Variants in TAFA4 observed in about 807,000 individuals in gnomAD.
TAFA4 encodes TAFA chemokine like family member 4.
Under a neutral mutation model 21.1 loss-of-function variants are expected in TAFA4, and 20 were observed. The ratio of observed to expected loss-of-function variants is 0.95; its 90% CI spans 0.67 to 1.38. The LOEUF (loss-of-function observed/expected upper bound fraction) is 1.38. TAFA4 is among the 40% of genes most tolerant of loss of function. TAFA4 has a pLI of 0.00. For missense variants in TAFA4, 211 were observed against 180.9 expected, an observed-to-expected ratio of 1.17 and a Z score of -0.95; for synonymous variants, 71 against 67.4, an observed-to-expected ratio of 1.05 and a Z score of -0.26.
intron 5 of TAFA4, 63 bp from the exon 6 acceptor site, chr3:68,733,216 C>T: frequency 4.4e-6 from 7 of 1,581,164 alleles, no homozygotes; most frequent in Non-Finnish European, 6.0e-6. Flanking sequence ...ACCATTCCTG[C>T]CCCCGAGACC....
intron 3 of TAFA4, among the ~76,000 whole-genome samples, chr3:68,780,052 A>G (rs931064672): frequency 6.6e-6 from 1 of 152,228 alleles, no homozygotes; most frequent in South Asian, 2.1e-4. Flanking sequence ...GTCAAAGGAT[A>G]TCATTTTGGA....
At chr3:68,824,134 A>T (rs970234750) in intron 3 of TAFA4, among the ~76,000 whole-genome samples, 7 of 152,202 alleles carry the variant, frequency 4.6e-5, no homozygotes, top group Non-Finnish European at 7.3e-5. Flanking sequence ...GTTATTTTTT[A>T]AAAAATCGTA....
At chr3:68,790,975 G>A (rs1356091531) in intron 3 of TAFA4, among the ~76,000 whole-genome samples, 1 of 152,152 alleles carries the variant, frequency 6.6e-6, no homozygotes, top group African/African-American at 2.4e-5. Flanking sequence ...ACTCTTATAA[G>A]CACATGTGAC....
chr3:68,800,972 C>A (rs1703566163), intron 3 of TAFA4, among the ~76,000 whole-genome samples: 1 of 152,066 alleles, frequency 6.6e-6, no homozygotes, highest in Non-Finnish European at 1.5e-5. Flanking sequence ...AGAGAAGATG[C>A]CACCCCTTTG....
chr3:68,928,347 G>A (rs1377416688), intron 1 of TAFA4, among the ~76,000 whole-genome samples: 1 of 152,150 alleles, frequency 6.6e-6, no homozygotes, highest in East Asian at 1.9e-4. Context: ...AGAAAATAAT[G>A]TTGTACCAAA....
intron 1 of TAFA4, among the ~76,000 whole-genome samples, chr3:68,929,083 C>CA (rs2090136485): frequency 6.6e-6 from 1 of 151,466 alleles, no homozygotes; most frequent in East Asian, 1.9e-4. Context: ...CAGCAGATAC[C>CA]AAATAGATGG....
chr3:68,800,431 A>C (rs1460746620), intron 3 of TAFA4, among the ~76,000 whole-genome samples: 1 of 152,226 alleles, frequency 6.6e-6, no homozygotes, highest in Non-Finnish European at 1.5e-5. Flanking sequence ...CAGTGAGCAC[A>C]ACAACAATCT....
chr3:68,903,368 A>C (rs1445285032), intron 1 of TAFA4, among the ~76,000 whole-genome samples: 1 of 152,216 alleles, frequency 6.6e-6, no homozygotes, highest in Non-Finnish European at 1.5e-5. Context: ...TTCAATTATA[A>C]ACGTCAGCAA....
chr3:68,785,470 G>A (rs1027980507), intron 3 of TAFA4, among the ~76,000 whole-genome samples: 2 of 152,240 alleles, frequency 1.3e-5, no homozygotes, highest in Non-Finnish European at 2.9e-5. Flanking sequence ...CGCGCGGGAA[G>A]GCAGCTAAGG....
intron 1 of TAFA4, among the ~76,000 whole-genome samples, chr3:68,886,643 G>A (rs1420112456): frequency 6.6e-6 from 1 of 151,986 alleles, no homozygotes; most frequent in South Asian, 2.1e-4. Flanking sequence ...AAAGTAATGC[G>A]ACCTAATAGT....
intron 4 of TAFA4, among the ~76,000 whole-genome samples, chr3:68,747,657 C>A (rs1702484549): frequency 6.6e-6 from 1 of 152,190 alleles, no homozygotes; most frequent in Non-Finnish European, 1.5e-5. Flanking sequence ...TGCTCGCACA[C>A]ACAAATCCTG....
intron 3 of TAFA4, among the ~76,000 whole-genome samples, chr3:68,875,085 G>A (rs1016545273): frequency 6.6e-6 from 1 of 152,122 alleles, no homozygotes; most frequent in African/African-American, 2.4e-5. Context: ...TATTTTCACA[G>A]TCCTTCCCAA....
At chr3:68,928,897 A>G (rs1296568928) in intron 1 of TAFA4, among the ~76,000 whole-genome samples, 1 of 152,046 alleles carries the variant, frequency 6.6e-6, no homozygotes, top group Non-Finnish European at 1.5e-5. Flanking sequence ...CCTACCCCTG[A>G]TCTTCTAGAA....
intron 3 of TAFA4, among the ~76,000 whole-genome samples, chr3:68,825,219 T>TG (rs1704201826): frequency 6.6e-6 from 1 of 152,202 alleles, no homozygotes; most frequent in African/African-American, 2.4e-5. Flanking sequence ...AGTGAGAACA[T>TG]GCAGTGTTTG....
At chr3:68,896,884 C>A (rs2089795504) in intron 1 of TAFA4, among the ~76,000 whole-genome samples, 1 of 152,208 alleles carries the variant, frequency 6.6e-6, no homozygotes, top group African/African-American at 2.4e-5. Context: ...CACTGTACTT[C>A]ATACAATCTG....
chr3:68,782,992 G>A (rs1703179371), intron 3 of TAFA4, among the ~76,000 whole-genome samples: 1 of 152,190 alleles, frequency 6.6e-6, no homozygotes, highest in African/African-American at 2.4e-5. Flanking sequence ...GAATGCAGTT[G>A]ATTTAATGTT....
intron 3 of TAFA4, among the ~76,000 whole-genome samples, chr3:68,795,699 C>T (rs1211010852): frequency 6.6e-6 from 1 of 152,170 alleles, no homozygotes; most frequent in African/African-American, 2.4e-5. Flanking sequence ...ACTGAATCCT[C>T]GAGCTACTGT....
chr3:68,770,686 C>G (rs1036232537), intron 3 of TAFA4, among the ~76,000 whole-genome samples: 4 of 152,146 alleles, frequency 2.6e-5, no homozygotes, highest in Non-Finnish European at 2.9e-5. Context: ...CATGCCGGCT[C>G]TCAAGACCCA....
rs1339328337 is a variant in TAFA4, at chr3:68,732,257, G to C, written c.*885C>G. The stretch of plus-strand genomic sequence containing the variant: ...ACAGTCTAAAAATTCAGCACTGAAA[G>C]ACTCCTGTCTCGGAGTTAAAATCTT... On this transcript the variant is annotated 3_prime_UTR_variant, in exon 6 of 6. Transcript: ENST00000295569. 2.6e-5 allele frequency: 4 copies of C among 152,666 alleles called. No individual in the cohort carries two copies. The highest frequency in any genetic ancestry group is 5.9e-5 in the Non-Finnish European group (4 of 68,012). 9.5% of individuals were successfully genotyped at this position (152,666 alleles called of 1,614,324 possible).
Sources: gnomAD v4.1 joint callset for allele counts (sites outside exome capture counted in the v4.1 genomes callset) on GRCh38, gnomAD v4.1.1 for gene constraint, MANE v1.5 for transcripts, NCBI Gene and HGNC (gene_info 2026-07-23, HGNC 2026-07-21) for gene names.